IL6ST: variants seen among roughly 807,000 people sequenced by gnomAD.
IL6ST encodes interleukin-6 receptor subunit beta.
Under a neutral mutation model 91.3 loss-of-function variants are expected in IL6ST, and 24 were observed. That is an observed-to-expected ratio of 0.26 (90% CI 0.19 to 0.37). The LOEUF (loss-of-function observed/expected upper bound fraction) is 0.37. IL6ST is among the 10% of genes least tolerant of loss of function. IL6ST has a pLI of 1.00. For synonymous variants in IL6ST, 351 were observed against 373.6 expected (o/e 0.94, Z 0.70); for missense variants, 914 against 1,078.5 (o/e 0.85, Z 2.14).
At chr5:55,977,839 C>G (rs1753404485) in intron 2 of IL6ST, among the ~76,000 whole-genome samples, 2 of 151,776 alleles carry the variant, frequency 1.3e-5, no homozygotes, top group Admixed American at 6.6e-5. Flanking sequence ...CAGACACACA[C>G]ACACACACAC....
chr5:55,962,260 T>TAGTGCTC (rs780407306), intron 7 of IL6ST, among the ~76,000 whole-genome samples: 7 of 152,180 alleles, frequency 4.6e-5, no homozygotes, highest in Non-Finnish European at 1.0e-4. Flanking sequence ...CTGAGCACTT[T>TAGTGCTC]AGATAAGTGG....
chr5:55,951,368 A>G (rs2111672904), intron 14 of IL6ST, 96 bp downstream of exon 14: 1 of 925,322 alleles, frequency 1.1e-6, no homozygotes, highest in Non-Finnish European at 1.7e-6. Flanking sequence ...CATGAATCCA[A>G]AGATGTACTT....
At chr5:55,959,167 T>C (rs1752161043) in intron 8 of IL6ST, among the ~76,000 whole-genome samples, 1 of 152,200 alleles carries the variant, frequency 6.6e-6, no homozygotes, top group South Asian at 2.1e-4. Flanking sequence ...ATATTTTACC[T>C]ACATTTTAAA....
intron 7 of IL6ST, among the ~76,000 whole-genome samples, chr5:55,962,412 T>C (rs963553949): frequency 8.5e-5 from 13 of 152,246 alleles, no homozygotes; most frequent in Non-Finnish European, 1.3e-4. Flanking sequence ...GCTATGGTGA[T>C]AGCCTTTTTA....
At chr5:55,970,380 T>C (rs1752892776) in intron 3 of IL6ST, among the ~76,000 whole-genome samples, 1 of 152,128 alleles carries the variant, frequency 6.6e-6, no homozygotes, top group Non-Finnish European at 1.5e-5. Flanking sequence ...GCCAAATAGT[T>C]TAGTTTTAAG....
chr5:55,981,642 C>CA (rs1335153636), intron 2 of IL6ST, among the ~76,000 whole-genome samples: 1 of 150,612 alleles, frequency 6.6e-6, no homozygotes, highest in East Asian at 1.9e-4. Context: ...GACTCCATCT[C>CA]AAAAAAATAA....
At chr5:55,966,975 A>G (rs1477862851) in intron 5 of IL6ST, among the ~76,000 whole-genome samples, 1 of 151,906 alleles carries the variant, frequency 6.6e-6, no homozygotes, top group Non-Finnish European at 1.5e-5. Flanking sequence ...ATCAAACCCA[A>G]ATCTGATGAA....
intron 7 of IL6ST, among the ~76,000 whole-genome samples, chr5:55,962,803 T>C (rs945155401): frequency 6.6e-6 from 1 of 152,128 alleles, no homozygotes; most frequent in Non-Finnish European, 1.5e-5. Context: ...CTTGTATTCT[T>C]TGTAACACCC....
chr5:55,955,586 A>G (rs973331325), intron 10 of IL6ST, among the ~76,000 whole-genome samples: 3 of 152,256 alleles, frequency 2.0e-5, no homozygotes, highest in Admixed American at 6.5e-5. Context: ...CAAAATCTTG[A>G]AATAATATTT....
At chr5:55,960,166 G>A (rs1430244910) in intron 8 of IL6ST, among the ~76,000 whole-genome samples, 2 of 152,132 alleles carry the variant, frequency 1.3e-5, no homozygotes, top group Admixed American at 1.3e-4. Flanking sequence ...TTACAGGTGT[G>A]AGCCACCGCA....
chr5:55,976,233 G>T lies in IL6ST; in HGVS notation c.46C>A (p.Leu16Ile). The part of the protein sequence containing the change: ...TWLVQALFIF[L>I]TTESTGELLD... ...ACCTTACCTGTAGATTCAGTGGTGA[G>T]GAAAATAAACAAGGCTTGCACTAGC... is the stretch of plus-strand genomic sequence containing the variant. Residue 16 changes from leucine (L) to isoleucine (I), a missense_variant, in exon 3 of 17, where the codon CTC (leucine) becomes ATC (isoleucine). By Grantham distance (5) the Leu-to-Ile change is conservative. Coordinates refer to ENST00000381298, the MANE Select transcript of IL6ST (RefSeq NM_002184.4). 6.3e-7 allele frequency: 1 copy of T among 1,584,646 alleles called. No individual in the cohort carries two copies. The highest frequency in any genetic ancestry group is 8.6e-7 in the Non-Finnish European group (1 of 1,164,510).
chr5:55,936,341 G>GTTTTT lies in IL6ST; in HGVS notation c.*4736_*4740dup, dbSNP rs57970223. The GTTTTT allele has an allele frequency of 4.7e-5, 7 of 149,304 alleles. No homozygotes were observed. The highest frequency in any genetic ancestry group is 1.8e-4 in the African/African-American group (6 of 33,520). The allele number at this position is 149,304 out of a possible 1,614,324, so 9.2% of individuals were successfully genotyped here. A position where few individuals can be genotyped will look rare whatever the true frequency, so the allele number is the denominator to read the frequency against. On this transcript the variant is annotated 3_prime_UTR_variant, in exon 17 of 17. Transcript: ENST00000381298. ...ACTTGGGCTCTTGACAACCAAGTAG[G>GTTTTT]TTTTTTTTTTTTTTTTTTTTTTTAA...
At chr5:55,980,116 A>T (rs1264762451) in intron 2 of IL6ST, among the ~76,000 whole-genome samples, 1 of 152,242 alleles carries the variant, frequency 6.6e-6, no homozygotes, top group Non-Finnish European at 1.5e-5. Flanking sequence ...CTAGGAGGAT[A>T]AAAGTTCAAA....
intron 9 of IL6ST, 127 bp from the exon 10 acceptor site, chr5:55,956,362 A>T: frequency 1.6e-6 from 1 of 620,524 alleles, no homozygotes; most frequent in Admixed American, 2.9e-5. Flanking sequence ...AAGGATTCAC[A>T]ATCTCCATTT....
At position 55,939,655 on chromosome 5, in the gene IL6ST, TCTTA is replaced by T. The variant is rs1278604007; in HGVS notation, c.*1423_*1426del. 4.9e-6 allele frequency: 1 copy of T among 206,078 alleles called. No individual in the cohort carries two copies. Among genetic ancestry groups the T allele is most frequent in the South Asian group, 1.9e-4 (1 of 5,284 alleles). The allele number at this position is 206,078 out of a possible 1,614,324, so 12.8% of individuals were successfully genotyped here. On this transcript the variant is annotated 3_prime_UTR_variant, in exon 17 of 17. Coordinates refer to ENST00000381298, the MANE Select transcript of IL6ST (RefSeq NM_002184.4). ...TCACTAATAACGCTTGCTAATTTCC[TCTTA>T]CTTTCTAAGAAAACCCCTATATTTA...
intron 10 of IL6ST, 21 bp from the exon 11 acceptor site, chr5:55,955,013 A>G (rs770148312): frequency 6.8e-7 from 1 of 1,462,682 alleles, no homozygotes; most frequent in South Asian, 1.3e-5. Context: ...AAGTTTGAAT[A>G]TTGAAATAAT....
In IL6ST at chr5:55,982,726, A is replaced by G; in HGVS notation, c.-18T>C. The stretch of plus-strand genomic sequence containing the variant: ...TTCAGACAAGATCAATTACTTACCC[A>G]AATCACAAAATTAGTAAGTGAAGGA... On this transcript the variant is annotated splice_region_variant and 5_prime_UTR_variant, in exon 2 of 17. Coordinates refer to ENST00000381298, the MANE Select transcript of IL6ST (RefSeq NM_002184.4). The G allele has an allele frequency of 2.5e-6, 1 of 398,378 alleles. No individual in the cohort carries two copies. The highest frequency in any genetic ancestry group is 4.4e-6 in the Non-Finnish European group (1 of 225,950). 24.7% of individuals were successfully genotyped at this position (398,378 alleles called of 1,614,324 possible). A position where few individuals can be genotyped will look rare whatever the true frequency, so the allele number is the denominator to read the frequency against.
rs566857420 is a variant in IL6ST, at chr5:55,936,752, C to T, written c.*4330G>A. 3.2e-4 allele frequency: 62 copies of T among 192,468 alleles called. No homozygotes were observed. Among genetic ancestry groups the T allele is most frequent in the African/African-American group, 1.4e-3 (62 of 43,202 alleles). 11.9% of individuals were successfully genotyped at this position (192,468 alleles called of 1,614,324 possible). A position where few individuals can be genotyped will look rare whatever the true frequency, so the allele number is the denominator to read the frequency against. On this transcript the variant is annotated 3_prime_UTR_variant, in exon 17 of 17. Coordinates refer to ENST00000381298, the MANE Select transcript of IL6ST (RefSeq NM_002184.4). ...TGGAGTTATGTCAACATAAAAATAG[C>T]TGTGGTTACAATTAGCACATGCAAT...
Position 55,941,768 on chromosome 5 carries a change from C to A in IL6ST, c.2071G>T (p.Val691Leu). ...QMYSDGNFTD[V>L]SVVEIEANDK... ...TTTGCTTCTATTTCCACAACACTTA[C>A]ATCAGTGAAATTGCCATCTGAATAC... Residue 691 changes from valine (V) to leucine (L), a missense_variant, in exon 17 of 17, where the codon GTA becomes TTA. Coordinates refer to ENST00000381298, the MANE Select transcript of IL6ST (RefSeq NM_002184.4). 1 of 1,613,510 alleles carries A rather than the reference C, an allele frequency of 6.2e-7. No homozygotes were observed. Among genetic ancestry groups the A allele is most frequent in the Non-Finnish European group, 8.5e-7 (1 of 1,179,598 alleles).
Sources: gnomAD v4.1 joint callset for allele counts (sites outside exome capture counted in the v4.1 genomes callset) on GRCh38, gnomAD v4.1.1 for gene constraint, MANE v1.5 for transcripts, NCBI Gene and HGNC (gene_info 2026-07-23, HGNC 2026-07-21) for gene names.